IFFO2: variants seen among roughly 807,000 people sequenced by gnomAD.
IFFO2 encodes intermediate filament family orphan 2.
Under a neutral mutation model 53.5 loss-of-function variants are expected in IFFO2, and 19 were observed. The ratio of observed to expected loss-of-function variants is 0.36; its 90% CI spans 0.25 to 0.52. IFFO2 has a LOEUF of 0.52. Among genes scored for constraint, IFFO2 ranks in the 20% least tolerant of loss-of-function variants. The pLI is 0.94. For synonymous variants in IFFO2, 303 were observed against 313.6 expected (o/e 0.97, Z 0.36); for missense variants, 570 against 727.4 (o/e 0.78, Z 2.49).
rs114806267 is a variant in IFFO2 at position 18,949,533 on chromosome 1, C to T, written c.665+6135G>A. ...CATAGGAAATAAATGGAATGCCAGCCGGCCTTCACCTCTCAATGCGATCAA... is the reference window on the plus strand; with the variant it reads ...CATAGGAAATAAATGGAATGCCAGCTGGCCTTCACCTCTCAATGCGATCAA... On this transcript the variant is annotated intron_variant, in intron 1 of 8. Transcript: ENST00000455833. Among the ~76,000 whole-genome samples the T allele has an allele frequency of 4.1e-3, 621 of 152,376 alleles. 6 individuals carry two copies. The highest frequency in any genetic ancestry group is 0.014 in the African/African-American group (582 of 41,586).
At chr1:18,932,088 G>A (rs115924254) in intron 1 of IFFO2, among the ~76,000 whole-genome samples, 162 of 152,306 alleles carry the variant, frequency 1.1e-3, no homozygotes, top group African/African-American at 3.6e-3. Flanking sequence ...GGAGCTGGAC[G>A]GAACAAGGCT....
In IFFO2 at chr1:18,947,247, C is replaced by T. The variant is rs752537462; in HGVS notation, c.665+8421G>A. 7.2e-5 allele frequency among the ~76,000 whole-genome samples: 11 copies of T among 152,260 alleles called. No individual in the cohort carries two copies. The highest frequency in any genetic ancestry group is 2.6e-4 in the Admixed American group (4 of 15,290). On this transcript the variant is annotated intron_variant, in intron 1 of 8. Coordinates refer to ENST00000455833, the MANE Select transcript of IFFO2 (RefSeq NM_001136265.2). The surrounding 1 kb of genome is among the most constrained non-coding windows in gnomAD (Gnocchi z 5.0). ...AAGCTAGGGATACTCCAGCCCAGGGCGGAGGCGAGCTCCCAAACAGCCACC... is the reference window on the plus strand; with the variant it reads ...AAGCTAGGGATACTCCAGCCCAGGGTGGAGGCGAGCTCCCAAACAGCCACC...
chr1:18,942,400 G>A (rs1936532507), intron 1 of IFFO2, among the ~76,000 whole-genome samples: 1 of 152,202 alleles, frequency 6.6e-6, no homozygotes, highest in Non-Finnish European at 1.5e-5. Flanking sequence ...CCTGGGGGCT[G>A]GTGGGAGCCA....
chr1:18,955,584 G>T, intron 1 of IFFO2, 84 bp downstream of exon 1: 3 of 1,460,920 alleles, frequency 2.1e-6, no homozygotes, highest in South Asian at 2.6e-5. Flanking sequence ...CTGCCCGCCC[G>T]GCCCCCGTCC....
chr1:18,953,064 C>A (rs983949623), intron 1 of IFFO2, among the ~76,000 whole-genome samples: 5 of 152,176 alleles, frequency 3.3e-5, no homozygotes, highest in African/African-American at 9.7e-5. Flanking sequence ...ACCCTGGAAC[C>A]TTTCCCTTCT....
chr1:18,949,276 G>C (rs1187059447), intron 1 of IFFO2, among the ~76,000 whole-genome samples: 2 of 152,370 alleles, frequency 1.3e-5, no homozygotes, highest in East Asian at 3.9e-4. Context: ...TCTGCCAGTG[G>C]GAGACGAAGC....
intron 5 of IFFO2, among the ~76,000 whole-genome samples, chr1:18,915,079 T>C (rs34693741): frequency 6.6e-6 from 1 of 152,028 alleles, no homozygotes; most frequent in African/African-American, 2.4e-5. Flanking sequence ...CAGCCTAGAA[T>C]AGGGACAGAA....
rs941428118 is a variant in IFFO2 at position 18,907,034 on chromosome 1, C to T, written c.*1527G>A. The T allele has an allele frequency of 3.3e-5, 5 of 152,250 alleles. No individual in the cohort carries two copies. The highest frequency in any genetic ancestry group is 1.9e-4 in the East Asian group (1 of 5,196). The allele number at this position is 152,250 out of a possible 1,614,324, so 9.4% of individuals were successfully genotyped here. A position where few individuals can be genotyped will look rare whatever the true frequency, so the allele number is the denominator to read the frequency against. On this transcript the variant is annotated 3_prime_UTR_variant, in exon 9 of 9. Transcript: ENST00000455833. ...CCTGGGGACCACAATCCCAGTCAAA[C>T]CCAGAGCCCCCTCCTTCTGCCTCCA...
At chr1:18,933,160 G>A (rs1271407243) in intron 1 of IFFO2, among the ~76,000 whole-genome samples, 1 of 152,228 alleles carries the variant, frequency 6.6e-6, no homozygotes, top group African/African-American at 2.4e-5. Flanking sequence ...TCTCGCTGGG[G>A]CAGGACCTCT....
At chr1:18,955,541 A>G in intron 1 of IFFO2, 127 bp downstream of exon 1, 1 of 1,355,582 alleles carries the variant, frequency 7.4e-7, no homozygotes, top group Non-Finnish European at 9.6e-7. Flanking sequence ...GACGCTCTGC[A>G]AACACAGCTT....
Position 18,906,867 on chromosome 1 carries a change from T to C in IFFO2, c.*1694A>G, listed in dbSNP as rs1167528695. 1 of 152,188 alleles carries C rather than the reference T, an allele frequency of 6.6e-6. No homozygotes were observed. The highest frequency in any genetic ancestry group is 1.5e-5 in the Non-Finnish European group (1 of 68,038). 9.4% of individuals were successfully genotyped at this position (152,188 alleles called of 1,614,324 possible). ...CATGACGAAGGCCACCAAATCGTGATAAATTACATCACACATAGTCACTAA... is the reference window on the plus strand; with the variant it reads ...CATGACGAAGGCCACCAAATCGTGACAAATTACATCACACATAGTCACTAA... On this transcript the variant is annotated 3_prime_UTR_variant, in exon 9 of 9. Transcript: ENST00000455833.
rs1936337106 is a variant in IFFO2 at position 18,928,919 on chromosome 1, G to A, written c.666-7798C>T. Among the ~76,000 whole-genome samples the A allele has an allele frequency of 6.6e-6, 1 of 152,200 alleles. No individual in the cohort carries two copies. Among genetic ancestry groups the A allele is most frequent in the South Asian group, 2.1e-4 (1 of 4,828 alleles). ...ACCAACTCCATCCGGAGTTATCCTG[G>A]GTGCCATCAGGGCTCTGACAGCCTG... On this transcript the variant is annotated intron_variant, in intron 1 of 8. Coordinates refer to ENST00000455833, the MANE Select transcript of IFFO2 (RefSeq NM_001136265.2). This position sits in a 1 kb window ranked among gnomAD's most constrained non-coding sequence, Gnocchi z 4.9.
intron 2 of IFFO2, among the ~76,000 whole-genome samples, 190 bp downstream of exon 2, chr1:18,920,871 C>T (rs1467279367): frequency 1.3e-5 from 2 of 152,208 alleles, no homozygotes; most frequent in Non-Finnish European, 2.9e-5. Context: ...TGTGCTGGTC[C>T]ATTCCTAGCT....
intron 1 of IFFO2, among the ~76,000 whole-genome samples, chr1:18,926,620 A>C (rs1483544205): frequency 6.6e-6 from 1 of 152,176 alleles, no homozygotes; most frequent in African/African-American, 2.4e-5. Flanking sequence ...AGGAGCCACC[A>C]CTGGAACCAC....
rs1181413133 is a variant in IFFO2, at chr1:18,908,767, C to T, written c.1449-101G>A. ...AGCTGCCACTTCTATAAGATCTACT[C>T]TCAGAGGGGCCTGGTCCTGAGCTCC... On this transcript the variant is annotated intron_variant, in intron 8 of 8. Coordinates refer to ENST00000455833, the MANE Select transcript of IFFO2 (RefSeq NM_001136265.2). 3 of 816,186 alleles carry T rather than the reference C, an allele frequency of 3.7e-6. No individual in the cohort carries two copies. In the African/African-American group the frequency reaches 5.1e-5, roughly 14 times the overall value. The allele number at this position is 816,186 out of a possible 1,614,324, so 50.6% of individuals were successfully genotyped here.
intron 5 of IFFO2, among the ~76,000 whole-genome samples, chr1:18,914,673 A>T (rs28502798): frequency 0.068 from 10,349 of 151,980 alleles, 502 homozygotes; most frequent in Non-Finnish European, 0.11. Flanking sequence ...ACAAAAAAAA[A>T]TTAGCTGGGT....
chr1:18,929,046 T>A (rs2148176570), intron 1 of IFFO2, among the ~76,000 whole-genome samples: 1 of 152,250 alleles, frequency 6.6e-6, no homozygotes, highest in African/African-American at 2.4e-5. Context: ...ATTCATTCCA[T>A]AAACAGTTCC....
intron 1 of IFFO2, among the ~76,000 whole-genome samples, chr1:18,941,645 C>G (rs1416655742): frequency 6.6e-6 from 1 of 152,206 alleles, no homozygotes; most frequent in Non-Finnish European, 1.5e-5. Flanking sequence ...TTCCAATTCC[C>G]CTATCTCAGC....
intron 1 of IFFO2, among the ~76,000 whole-genome samples, chr1:18,939,570 T>C (rs945629622): frequency 2.6e-5 from 4 of 152,156 alleles, no homozygotes; most frequent in African/African-American, 9.7e-5. Flanking sequence ...CAGAAACTTG[T>C]GGGATACTAC....
Sources: allele counts gnomAD v4.1 joint callset (sites outside exome capture counted in the v4.1 genomes callset), GRCh38; gene constraint gnomAD v4.1.1; non-coding constraint Gnocchi (gnomAD v3.1); transcripts MANE v1.5; gene names NCBI Gene and HGNC (gene_info 2026-07-23, HGNC 2026-07-21).